TECPR2: variants seen among roughly 807,000 people sequenced by gnomAD.
TECPR2 encodes tectonin beta-propeller repeat-containing protein 2.
A neutral mutation model predicts 138.1 loss-of-function variants in TECPR2; 65 were observed. The ratio of observed to expected loss-of-function variants is 0.47; its 90% confidence interval spans 0.39 to 0.58. The LOEUF is 0.58. Among genes scored for constraint, TECPR2 ranks in the 20% least tolerant of loss-of-function variants. TECPR2 has a pLI of 0.00. For synonymous variants in TECPR2, 746 were observed against 749.8 expected, an observed-to-expected ratio of 0.99 and a Z score of 0.08; for missense variants, 1,553 against 1,824.5, an observed-to-expected ratio of 0.85 and a Z score of 2.71.
intron 17 of TECPR2, among the ~76,000 whole-genome samples, chr14:102,481,562 C>T (rs901884227): frequency 2.0e-5 from 3 of 152,176 alleles, no homozygotes; most frequent in African/African-American, 7.2e-5. Context: ...CCAGGATCAT[C>T]CACCGCACTC....
At position 102,485,913 on chromosome 14, in the gene TECPR2, G is replaced by A. The variant is rs539821650; in HGVS notation, c.3790-11066G>A. On this transcript the variant is annotated intron_variant, in intron 17 of 19. Transcript: ENST00000359520. ...GTCTCACAGCAATATTTGAGTCCTGGTGCTAGCCATGGCGCAGTCGTTGGG... is the reference window on the plus strand; with the variant it reads ...GTCTCACAGCAATATTTGAGTCCTGATGCTAGCCATGGCGCAGTCGTTGGG... 6.6e-5 allele frequency among the ~76,000 whole-genome samples: 10 copies of A among 152,298 alleles called. No individual in the cohort carries two copies. In the South Asian group the frequency reaches 2.1e-3, roughly 32 times the overall value.
chr14:102,489,293 C>T (rs1292717429), intron 17 of TECPR2, among the ~76,000 whole-genome samples: 2 of 152,118 alleles, frequency 1.3e-5, no homozygotes, highest in African/African-American at 4.8e-5. Flanking sequence ...CTGATTTCTA[C>T]CTGGGATTTT....
At chr14:102,403,978 G>A (rs1888573242) in intron 2 of TECPR2, among the ~76,000 whole-genome samples, 1 of 152,012 alleles carries the variant, frequency 6.6e-6, no homozygotes. Context: ...GCTCACTGCA[G>A]CCTCAATCTC....
At chr14:102,448,465 A>G (rs1890047349) in intron 13 of TECPR2, among the ~76,000 whole-genome samples, 1 of 152,200 alleles carries the variant, frequency 6.6e-6, no homozygotes, top group African/African-American at 2.4e-5. Flanking sequence ...ATGTTATAGA[A>G]GCAAGCTACC....
chr14:102,424,886 C>G, intron 5 of TECPR2, 93 bp from the exon 6 acceptor site: 4 of 1,289,074 alleles, frequency 3.1e-6, no homozygotes, highest in Admixed American at 2.4e-5. Context: ...CCAAAAAATT[C>G]TTGTTGTACT....
chr14:102,473,707 T>A (rs1379835532), intron 17 of TECPR2, among the ~76,000 whole-genome samples: 1 of 152,242 alleles, frequency 6.6e-6, no homozygotes, highest in Non-Finnish European at 1.5e-5. Context: ...GTTTTCAGAT[T>A]TGCTAACACT....
At chr14:102,382,557 A>C (rs1439250621) in intron 2 of TECPR2, among the ~76,000 whole-genome samples, 2 of 152,196 alleles carry the variant, frequency 1.3e-5, no homozygotes, top group Non-Finnish European at 2.9e-5. Context: ...ACCATCAGCC[A>C]ACTTGGTCTA....
rs1161383480 is a variant in TECPR2 at position 102,419,298 on chromosome 14, A to C, written c.638+4505A>C. Among the ~76,000 whole-genome samples the C allele has an allele frequency of 1.3e-5, 2 of 152,136 alleles. No individual in the cohort carries two copies. The highest frequency in any genetic ancestry group is 4.8e-5 in the African/African-American group (2 of 41,410). On this transcript the variant is annotated intron_variant, in intron 5 of 19. Transcript: ENST00000359520. The surrounding 1 kb of genome is among the most constrained non-coding windows in gnomAD (Gnocchi z 4.8). ...TCATCAGCAGGGCCAAGGGATTGGA[A>C]GGGCTGAAAGAGGAGTTGACGGCGA...
intron 17 of TECPR2, among the ~76,000 whole-genome samples, chr14:102,477,346 G>T (rs1404046933): frequency 3.3e-5 from 5 of 151,508 alleles, no homozygotes; most frequent in Non-Finnish European, 7.4e-5. Context: ...CTCCAGCCTG[G>T]GCAACAGAGC....
chr14:102,474,805 G>C (rs1444251986), intron 17 of TECPR2, among the ~76,000 whole-genome samples: 1 of 152,106 alleles, frequency 6.6e-6, no homozygotes, highest in Non-Finnish European at 1.5e-5. Context: ...GACCTACCCA[G>C]CCCATATAAA....
In TECPR2 at chr14:102,420,870, C is replaced by T. The variant is rs527780853; in HGVS notation, c.639-4109C>T. Reference sequence around the variant, plus strand: ...GTCCACCTGGTGTTCAGGACCTCGCCTTCTCATGCCCACTCAGATGCACCA... The same window carrying T: ...GTCCACCTGGTGTTCAGGACCTCGCTTTCTCATGCCCACTCAGATGCACCA... On this transcript the variant is annotated intron_variant, in intron 5 of 19. Coordinates refer to ENST00000359520, the MANE Select transcript of TECPR2 (RefSeq NM_014844.5). The surrounding 1 kb of genome is among the most constrained non-coding windows in gnomAD (Gnocchi z 4.1). Among the ~76,000 whole-genome samples the T allele has an allele frequency of 2.0e-5, 3 of 152,282 alleles. No homozygotes were observed. Among genetic ancestry groups the T allele is most frequent in the Non-Finnish European group, 4.4e-5 (3 of 68,028 alleles).
chr14:102,470,307 AT>A (rs36013716), intron 17 of TECPR2, among the ~76,000 whole-genome samples: 51,588 of 142,104 alleles, frequency 0.36, 9,338 homozygotes, highest in East Asian at 0.51. Flanking sequence ...TCTATTCAGA[AT>A]TTTTTTTTTT....
chr14:102,457,845 G>A (rs184340998), intron 16 of TECPR2, among the ~76,000 whole-genome samples: 89 of 143,944 alleles, frequency 6.2e-4, no homozygotes, highest in African/African-American at 2.1e-3. Flanking sequence ...TCCTAACTTC[G>A]CTCCTCTGCT....
chr14:102,449,697 C>G lies in TECPR2; in HGVS notation c.3144C>G (p.His1048Gln). 1 of 1,614,182 alleles carries G rather than the reference C, an allele frequency of 6.2e-7. No individual in the cohort carries two copies. Among genetic ancestry groups the G allele is most frequent in the Non-Finnish European group, 8.5e-7 (1 of 1,180,040 alleles). Residue 1048 changes from histidine to glutamine, a missense_variant, in exon 14 of 20, where the codon CAC (histidine) becomes CAG (glutamine). Physicochemically the swap from His to Gln is conservative, Grantham distance 24 (BLOSUM62 0). Transcript: ENST00000359520. Reference protein sequence around the residue: ...SLFQTIIHATHSVATAAQAPV... With the variant: ...SLFQTIIHATQSVATAAQAPV... Reference sequence around the variant, plus strand: ...TTCAGACGATAATCCATGCCACTCACTCGGTGGCCACAGCAGCCCAAGCCC... The same window carrying G: ...TTCAGACGATAATCCATGCCACTCAGTCGGTGGCCACAGCAGCCCAAGCCC...
intron 10 of TECPR2, chr14:102,438,581 G>T (rs1889744476): frequency 1.6e-5 from 3 of 183,420 alleles, no homozygotes; most frequent in South Asian, 2.5e-4. Context: ...CTTTCTCATT[G>T]TTGCTTTAAA....
chr14:102,470,853 C>G (rs1567355656), intron 17 of TECPR2, among the ~76,000 whole-genome samples: 2 of 145,842 alleles, frequency 1.4e-5, no homozygotes, highest in African/African-American at 2.6e-5. Context: ...GAGTCTCGCT[C>G]TGTCGCCCAG....
intron 16 of TECPR2, among the ~76,000 whole-genome samples, chr14:102,459,754 C>T (rs1259726087): frequency 2.0e-5 from 3 of 152,054 alleles, no homozygotes; most frequent in Admixed American, 6.6e-5. Context: ...AGCGAGACTC[C>T]GTCTCAAAAA....
chr14:102,480,769 C>T (rs1316864380), intron 17 of TECPR2, among the ~76,000 whole-genome samples: 2 of 151,850 alleles, frequency 1.3e-5, no homozygotes, highest in African/African-American at 4.8e-5. Context: ...CCTCCCACCC[C>T]TCAGCCTCCC....
chr14:102,483,327 G>A (rs560925576), intron 17 of TECPR2, among the ~76,000 whole-genome samples: 6 of 152,124 alleles, frequency 3.9e-5, no homozygotes, highest in Admixed American at 6.6e-5. Flanking sequence ...GGGTGTCTGG[G>A]TCCTCTGCTG....
Sources: gnomAD v4.1 joint callset for allele counts (sites outside exome capture counted in the v4.1 genomes callset) on GRCh38, gnomAD v4.1.1 for gene constraint, Gnocchi (gnomAD v3.1) non-coding constraint, MANE v1.5 for transcripts, NCBI Gene and HGNC (gene_info 2026-07-23, HGNC 2026-07-21) for gene names.